The following ICE1 variants were observed in gnomAD, a reference collection of about 807,000 sequenced individuals.
The protein encoded by ICE1 is little elongation complex subunit 1.
In ICE1, 64 loss-of-function variants were observed where a neutral mutation model predicts 192.7. The ratio of observed to expected loss-of-function variants is 0.33; its 90% CI spans 0.27 to 0.41. ICE1 has a LOEUF of 0.41. Among genes scored for constraint, ICE1 ranks in the 10% least tolerant of loss-of-function variants. The probability of loss-of-function intolerance (pLI) is 1.00; values close to 1 mark genes in which losing one functional copy is unlikely to be tolerated. For missense variants in ICE1, 2,708 were observed against 2,696.0 expected (o/e 1.00, Z -0.10); for synonymous variants, 1,010 against 984.5 (o/e 1.03, Z -0.49).
Position 5,461,066 on chromosome 5 carries a change from C to A in ICE1, c.1732C>A (p.Arg578Ser). The A allele has an allele frequency of 6.2e-7, 1 of 1,613,986 alleles. No individual in the cohort carries two copies. ...RINEITSEPDRITVSGHFHRL... is the reference protein window; with the variant it reads ...RINEITSEPDSITVSGHFHRL... ...TAATGAAATCACTTCTGAACCAGAC[C>A]GTATCACAGTTTCTGGCCATTTTCA... The change falls in exon 13 of 19, where the codon CGT (arginine) becomes AGT (serine). Residue 578 changes from arginine to serine, a missense_variant. Physicochemically the swap from Arg to Ser is moderately radical, Grantham distance 110. This residue lies in a region of ICE1 where 2,366 missense variants were observed against 2,276.6 expected (regional missense o/e 1.04). Transcript: ENST00000296564.
At chr5:5,475,935 A>G in intron 16 of ICE1, 38 bp from the exon 17 acceptor site, 1 of 1,192,330 alleles carries the variant, frequency 8.4e-7, no homozygotes, top group African/African-American at 1.5e-5. Context: ...TATTTGAGTG[A>G]TGATGAGCAT....
chr5:5,457,088 A>G (rs1208347947), intron 11 of ICE1, among the ~76,000 whole-genome samples: 1 of 151,846 alleles, frequency 6.6e-6, no homozygotes, highest in African/African-American at 2.4e-5. Context: ...TCATCCATCC[A>G]CCCACCGGTC....
intron 5 of ICE1, among the ~76,000 whole-genome samples, chr5:5,441,527 T>C (rs2111348260): frequency 6.6e-6 from 1 of 152,376 alleles, no homozygotes. Context: ...TTTATACCTT[T>C]GTTTTTTGCT....
chr5:5,469,181 T>TTG (rs1046503932), intron 15 of ICE1, among the ~76,000 whole-genome samples, 193 bp downstream of exon 15: 1 of 152,220 alleles, frequency 6.6e-6, no homozygotes, highest in African/African-American at 2.4e-5. Context: ...CAAGGAAGAA[T>TTG]TGTAGACCAA....
Position 5,486,759 on chromosome 5 carries a change from T to C in ICE1, c.6559T>C (p.Ser2187Pro), listed in dbSNP as rs1739649000. The C allele has an allele frequency of 1.2e-6, 2 of 1,603,450 alleles. No homozygotes were observed. The highest frequency in any genetic ancestry group is 1.7e-6 in the Non-Finnish European group (2 of 1,174,342). Reference sequence around the variant, plus strand: ...ATTGGGTTTGAAAGAAGGATTTCCATCTGCTGTGAAAAATATTAGTTCGGT... The same window carrying C: ...ATTGGGTTTGAAAGAAGGATTTCCACCTGCTGTGAAAAATATTAGTTCGGT... ...GQLGLKEGFP[S>P]AVKNISSVIG... is the part of the protein sequence containing the mutation. The change falls in exon 18 of 19, where the codon TCT becomes CCT. Residue 2187 changes from serine (S) to proline (P), a missense_variant. This residue lies in a region of ICE1 where 342 missense variants were observed against 419.3 expected (regional missense o/e 0.82). Transcript: ENST00000296564.
chr5:5,470,884 ACT>A (rs1739139824), intron 15 of ICE1, among the ~76,000 whole-genome samples: 1 of 152,190 alleles, frequency 6.6e-6, no homozygotes, highest in African/African-American at 2.4e-5. Context: ...GAAAAGGTAA[ACT>A]CAGAATCAAA....
intron 12 of ICE1, among the ~76,000 whole-genome samples, chr5:5,460,037 G>T (rs768714699): frequency 5.9e-5 from 9 of 152,210 alleles, no homozygotes; most frequent in Admixed American, 2.0e-4. Flanking sequence ...ACACACCAGA[G>T]AGAGAGGAAA....
intron 1 of ICE1, among the ~76,000 whole-genome samples, chr5:5,428,413 A>G (rs548369532): frequency 6.6e-6 from 1 of 152,350 alleles, no homozygotes; most frequent in South Asian, 2.1e-4. Context: ...CTGAACAATT[A>G]GCCAGATCTC....
chr5:5,425,926 G>C (rs1561069599), intron 1 of ICE1, among the ~76,000 whole-genome samples: 1 of 152,230 alleles, frequency 6.6e-6, no homozygotes, highest in Non-Finnish European at 1.5e-5. Context: ...CTCATGTCAG[G>C]AAATGGAAGG....
rs1738740564 is a variant in ICE1, at chr5:5,460,643, G to A, written c.1309G>A (p.Val437Met). 6.2e-7 allele frequency: 1 copy of A among 1,613,884 alleles called. No individual in the cohort carries two copies. Among genetic ancestry groups the A allele is most frequent in the South Asian group, 1.1e-5 (1 of 91,054 alleles). The change falls in exon 13 of 19, where the codon GTG (valine) becomes ATG (methionine). Residue 437 changes from valine (V) to methionine (M), a missense_variant. Val to Met is a conservative substitution (Grantham distance 21). Transcript: ENST00000296564. ...QALNTWEVNK[V>M]TTSGLETFTA... ...TCTGAATACATGGGAAGTAAATAAA[G>A]TGACAACTTCTGGACTCGAGACTTT...
At chr5:5,466,646 C>A in intron 14 of ICE1, 144 bp downstream of exon 14, 1 of 673,904 alleles carries the variant, frequency 1.5e-6, no homozygotes, top group Non-Finnish European at 2.4e-6. Flanking sequence ...TTAGCTATAC[C>A]CAGCTGCACC....
At chr5:5,468,433 T>G (rs1739055818) in intron 14 of ICE1, among the ~76,000 whole-genome samples, 1 of 151,998 alleles carries the variant, frequency 6.6e-6, no homozygotes, top group African/African-American at 2.4e-5. Flanking sequence ...AGACAAAGAG[T>G]GTAGGAGAAA....
intron 17 of ICE1, among the ~76,000 whole-genome samples, chr5:5,485,513 G>T (rs945459011): frequency 6.6e-6 from 1 of 152,202 alleles, no homozygotes; most frequent in African/African-American, 2.4e-5. Flanking sequence ...TTCAAATACG[G>T]ATATTCTTTT....
chr5:5,453,300 G>A (rs1321571190), intron 10 of ICE1, among the ~76,000 whole-genome samples: 6 of 152,100 alleles, frequency 3.9e-5, no homozygotes, highest in Admixed American at 6.5e-5. Flanking sequence ...GTGGCAATCA[G>A]AAGGTTGTTT....
At position 5,463,091 on chromosome 5, in the gene ICE1, C is replaced by CA; in HGVS notation, c.3758dup (p.Cys1254ValfsTer8). The stretch of plus-strand genomic sequence containing the variant: ...GTTAAAAAATACAAGTCAGCTCACT[C>CA]AGTGTTCTTTGGAAACTCTGTCTGA... On this transcript the variant is annotated frameshift_variant, in exon 13 of 19. Transcript: ENST00000296564. LOFTEE classifies it high-confidence loss of function. 6.2e-7 allele frequency: 1 copy of CA among 1,613,376 alleles called. No homozygotes were observed. The highest frequency in any genetic ancestry group is 8.5e-7 in the Non-Finnish European group (1 of 1,179,658).
intron 3 of ICE1, among the ~76,000 whole-genome samples, chr5:5,438,174 G>A (rs1161925705): frequency 6.6e-6 from 1 of 152,172 alleles, no homozygotes; most frequent in Non-Finnish European, 1.5e-5. Flanking sequence ...AGAGCGAAGC[G>A]GGGAAAAGCC....
intron 17 of ICE1, 86 bp downstream of exon 17, chr5:5,476,165 C>A: frequency 1.5e-6 from 1 of 686,178 alleles, no homozygotes; most frequent in Non-Finnish European, 2.3e-6. Context: ...ATAAAATATG[C>A]TGACTTTGAA....
rs144773365 is a variant in ICE1, at chr5:5,465,882, C to G, written c.5893-452C>G. On this transcript the variant is annotated intron_variant, in intron 13 of 18. Coordinates refer to ENST00000296564, the MANE Select transcript of ICE1 (RefSeq NM_015325.3). ...ATATATCAAATTATGTAATGCTCCT[C>G]TTAGGACAAAAAATGTTACTTAGTA... 3.5e-3 allele frequency among the ~76,000 whole-genome samples: 532 copies of G among 152,238 alleles called. 8 individuals carry two copies. The highest frequency in any genetic ancestry group is 9.3e-3 in the South Asian group (45 of 4,820).
At chr5:5,439,795 A>G (rs1737984759) in intron 3 of ICE1, 100 bp from the exon 4 acceptor site, 1 of 734,344 alleles carries the variant, frequency 1.4e-6, no homozygotes. Context: ...GCCTGTATAT[A>G]TGTTGAACAC....
Sources: gnomAD v4.1 joint callset for allele counts (sites outside exome capture counted in the v4.1 genomes callset) on GRCh38, gnomAD v4.1.1 for gene constraint, gnomAD v4.1.1 regional missense constraint, MANE v1.5 for transcripts, NCBI Gene and HGNC (gene_info 2026-07-23, HGNC 2026-07-21) for gene names.